The following CHRM3 variants were observed in gnomAD, a reference collection of about 807,000 sequenced individuals.
The protein encoded by CHRM3 is cholinergic receptor muscarinic 3.
Under a neutral mutation model 41.8 loss-of-function variants are expected in CHRM3, and 11 were observed. That is an observed-to-expected ratio of 0.26 (90% CI 0.17 to 0.44). The LOEUF (loss-of-function observed/expected upper bound fraction) is 0.44, where lower values mean the gene tolerates loss of function less well. Among genes scored for constraint, CHRM3 ranks in the 20% least tolerant of loss-of-function variants. The probability of loss-of-function intolerance (pLI) is 1.00; values close to 1 mark genes in which losing one functional copy is unlikely to be tolerated. For missense variants in CHRM3, 571 were observed against 745.4 expected, an observed-to-expected ratio of 0.77 and a Z score of 2.72; for synonymous variants, 297 against 301.4, an observed-to-expected ratio of 0.99 and a Z score of 0.15.
intron 1 of CHRM3, among the ~76,000 whole-genome samples, chr1:239,410,956 C>A (rs958636254): frequency 6.6e-6 from 1 of 152,092 alleles, no homozygotes; most frequent in African/African-American, 2.4e-5. Flanking sequence ...TGCTTTGTTC[C>A]AACTGGGAAA....
chr1:239,671,551 G>A (rs1425582678), intron 4 of CHRM3, among the ~76,000 whole-genome samples: 3 of 152,148 alleles, frequency 2.0e-5, no homozygotes, highest in Admixed American at 6.6e-5. Flanking sequence ...TCCAGCCTGG[G>A]TGACAGAGCA....
At chr1:239,640,717 C>T (rs1297627593) in intron 4 of CHRM3, among the ~76,000 whole-genome samples, 3 of 150,674 alleles carry the variant, frequency 2.0e-5, no homozygotes, top group African/African-American at 7.3e-5. Flanking sequence ...AAAAAACCAG[C>T]TCCTGGATTC....
chr1:239,908,566 C>T lies in CHRM3; in HGVS notation c.1115C>T (p.Pro372Leu), dbSNP rs1271801283. ...RAIYSIVLKL[P>L]GHSTILNSTK... ...ATCTACTCCATCGTGCTCAAGCTTCCGGGTCACAGCACCATCCTCAACTCC... is the reference window on the plus strand; with the variant it reads ...ATCTACTCCATCGTGCTCAAGCTTCTGGGTCACAGCACCATCCTCAACTCC... The change falls in exon 7 of 7, where the codon CCG (proline) becomes CTG (leucine). Residue 372 changes from proline (P) to leucine (L), a missense_variant. Pro to Leu is a moderately conservative substitution (Grantham distance 98). Around this residue, in one of 5 missense-constraint regions of CHRM3, gnomAD observed 239 missense variants for 239.6 expected, o/e 1.00. Transcript: ENST00000676153. The surrounding 1 kb of genome is among the most constrained non-coding windows in gnomAD (Gnocchi z 7.2). The T allele has an allele frequency of 3.1e-6, 5 of 1,588,638 alleles. No individual in the cohort carries two copies. The highest frequency in any genetic ancestry group is 3.4e-6 in the Non-Finnish European group (4 of 1,167,596).
chr1:239,845,160 A>G (rs1674162750), intron 6 of CHRM3, among the ~76,000 whole-genome samples: 1 of 152,220 alleles, frequency 6.6e-6, no homozygotes, highest in Non-Finnish European at 1.5e-5. Flanking sequence ...TACACAATGC[A>G]TATGAAAGAG....
intron 6 of CHRM3, chr1:239,899,917 C>T (rs1049914994): frequency 1.3e-5 from 2 of 152,238 alleles, no homozygotes; most frequent in Non-Finnish European, 2.9e-5. Flanking sequence ...CTGGTCTGCC[C>T]CTATCTGACC....
intron 4 of CHRM3, among the ~76,000 whole-genome samples, chr1:239,660,408 A>G (rs937474913): frequency 1.3e-5 from 2 of 152,150 alleles, no homozygotes; most frequent in African/African-American, 2.4e-5. Flanking sequence ...TACACTTACC[A>G]AATCACTTAC....
intron 4 of CHRM3, among the ~76,000 whole-genome samples, chr1:239,640,101 C>T (rs1259528427): frequency 6.6e-6 from 1 of 151,726 alleles, no homozygotes; most frequent in Non-Finnish European, 1.5e-5. Flanking sequence ...AGCCTTGCAT[C>T]CCAGGGATGA....
intron 1 of CHRM3, among the ~76,000 whole-genome samples, chr1:239,434,944 C>T (rs1414749460): frequency 5.9e-5 from 9 of 152,128 alleles, no homozygotes; most frequent in Admixed American, 4.6e-4. Context: ...GATCGCTTCC[C>T]GAGGTTTTTG....
intron 5 of CHRM3, among the ~76,000 whole-genome samples, chr1:239,784,484 A>G (rs147685779): frequency 6.6e-6 from 1 of 152,316 alleles, no homozygotes; most frequent in African/African-American, 2.4e-5. Flanking sequence ...TTCAATTAAC[A>G]CTATACCACT....
At chr1:239,552,221 T>G (rs1266229091) in intron 3 of CHRM3, among the ~76,000 whole-genome samples, 2 of 65,960 alleles carry the variant, frequency 3.0e-5, no homozygotes, top group Non-Finnish European at 8.3e-5. Context: ...ATATTATATA[T>G]GTATAGATGA....
rs534049639 is a variant in CHRM3, at chr1:239,768,658, C to T, written c.-146-58594C>T. Among the ~76,000 whole-genome samples the T allele has an allele frequency of 1.7e-3, 253 of 152,288 alleles. 1 individual carries two copies. Among genetic ancestry groups the T allele is most frequent in the African/African-American group, 5.7e-3 (237 of 41,564 alleles). ...AAATCCTTAGACGCTGTGGTGATTGCTCATGGAGAGATGTAGAGGGCTGAG... is the reference window on the plus strand; with the variant it reads ...AAATCCTTAGACGCTGTGGTGATTGTTCATGGAGAGATGTAGAGGGCTGAG... On this transcript the variant is annotated intron_variant, in intron 5 of 6. Coordinates refer to ENST00000676153, the MANE Select transcript of CHRM3 (RefSeq NM_001375978.1).
At chr1:239,572,518 G>A (rs986608564) in intron 3 of CHRM3, among the ~76,000 whole-genome samples, 8 of 152,022 alleles carry the variant, frequency 5.3e-5, no homozygotes, top group Admixed American at 1.3e-4. Context: ...CATCTTTTCC[G>A]GCTAATGTCC....
intron 1 of CHRM3, among the ~76,000 whole-genome samples, chr1:239,403,976 G>GAGAGAGAGAGAGAGAGAGA (rs1660203316): frequency 2.2e-5 from 1 of 46,488 alleles, no homozygotes; most frequent in African/African-American, 8.1e-5. Flanking sequence ...AGAGGGAGGG[G>GAGAGAGAGAGAGAGAGAGA]GAGAGAGAGA....
intron 5 of CHRM3, among the ~76,000 whole-genome samples, chr1:239,696,846 G>A (rs1660241422): frequency 6.6e-6 from 1 of 152,158 alleles, no homozygotes; most frequent in Non-Finnish European, 1.5e-5. Flanking sequence ...AAAACCAGCA[G>A]TCATCTAAAT....
chr1:239,428,140 A>G (rs1205475000), intron 1 of CHRM3, among the ~76,000 whole-genome samples: 1 of 152,184 alleles, frequency 6.6e-6, no homozygotes, highest in African/African-American at 2.4e-5. Context: ...GAAAGAGAAG[A>G]GACAGGTCAT....
intron 1 of CHRM3, among the ~76,000 whole-genome samples, chr1:239,466,989 A>T (rs1448565617): frequency 6.6e-6 from 1 of 152,166 alleles, no homozygotes; most frequent in African/African-American, 2.4e-5. Context: ...TCTTAAAGGT[A>T]CTATCATCCT....
chr1:239,875,154 G>T (rs1677013412), intron 6 of CHRM3, among the ~76,000 whole-genome samples: 1 of 152,166 alleles, frequency 6.6e-6, no homozygotes, highest in South Asian at 2.1e-4. Context: ...AAAGCTTTGT[G>T]TTGCCTGTTA....
chr1:239,654,561 G>T (rs1421585079), intron 4 of CHRM3, among the ~76,000 whole-genome samples: 1 of 152,038 alleles, frequency 6.6e-6, no homozygotes, highest in Non-Finnish European at 1.5e-5. Context: ...ACCCATCCTG[G>T]CTAATTTTTG....
At chr1:239,602,776 A>AT (rs1345610143) in intron 3 of CHRM3, among the ~76,000 whole-genome samples, 1 of 152,144 alleles carries the variant, frequency 6.6e-6, no homozygotes, top group Non-Finnish European at 1.5e-5. Context: ...ATTCTTTAAA[A>AT]TTTTTTTAAT....
Sources: allele counts gnomAD v4.1 joint callset (sites outside exome capture counted in the v4.1 genomes callset), GRCh38; gene constraint gnomAD v4.1.1; regional missense constraint gnomAD v4.1.1; non-coding constraint Gnocchi (gnomAD v3.1); transcripts MANE v1.5; gene names NCBI Gene and HGNC (gene_info 2026-07-23, HGNC 2026-07-21).